Variants in GALNTL6 observed in about 807,000 individuals in gnomAD.
GALNTL6 encodes the protein polypeptide N-acetylgalactosaminyltransferase-like 6.
GALNTL6 carries 46 observed loss-of-function variants against 73.7 expected under a neutral mutation model. The observed-to-expected ratio is 0.62, with a 90% CI of 0.49 to 0.80. The LOEUF (loss-of-function observed/expected upper bound fraction) is 0.80. GALNTL6 is among the 30% of genes least tolerant of loss of function. GALNTL6 has a pLI of 0.00. For synonymous variants in GALNTL6, 259 were observed against 263.7 expected (o/e 0.98, Z 0.17); for missense variants, 604 against 755.0 (o/e 0.80, Z 2.34).
At chr4:172,377,636 G>A (rs1743083624) in intron 5 of GALNTL6, among the ~76,000 whole-genome samples, 1 of 152,182 alleles carries the variant, frequency 6.6e-6, no homozygotes, top group Non-Finnish European at 1.5e-5. Context: ...CACCGGTTGT[G>A]GGGGAGCTCG....
chr4:172,785,684 A>T (rs1194283595), intron 5 of GALNTL6, among the ~76,000 whole-genome samples: 2 of 152,132 alleles, frequency 1.3e-5, no homozygotes, highest in African/African-American at 2.4e-5. Context: ...TGATGGGGAG[A>T]TGGGGGTGTC....
At chr4:172,546,906 C>T (rs1353869077) in intron 5 of GALNTL6, among the ~76,000 whole-genome samples, 2 of 148,954 alleles carry the variant, frequency 1.3e-5, no homozygotes, top group African/African-American at 2.5e-5. Context: ...ATTAAGCACA[C>T]TCACATTGTT....
chr4:171,860,879 C>T (rs1409731095), intron 2 of GALNTL6, among the ~76,000 whole-genome samples: 1 of 152,082 alleles, frequency 6.6e-6, no homozygotes, highest in African/African-American at 2.4e-5. Context: ...TAAGATTTCT[C>T]CCATCTGCTG....
chr4:172,194,277 CA>C (rs1341274955), intron 2 of GALNTL6, among the ~76,000 whole-genome samples: 1 of 152,124 alleles, frequency 6.6e-6, no homozygotes, highest in Admixed American at 6.6e-5. Context: ...GACTAGCAGA[CA>C]AAATCGGTGA....
intron 5 of GALNTL6, among the ~76,000 whole-genome samples, chr4:172,606,621 ATATATATAC>A (rs1560832271): frequency 4.1e-5 from 2 of 49,024 alleles, no homozygotes; most frequent in African/African-American, 4.9e-5. Flanking sequence ...CATATATAGT[ATATATATAC>A]TATATATATA....
chr4:172,938,057 C>A (rs549637765), intron 9 of GALNTL6, among the ~76,000 whole-genome samples: 1 of 152,144 alleles, frequency 6.6e-6, no homozygotes, highest in Non-Finnish European at 1.5e-5. Flanking sequence ...AGTGTAACAA[C>A]CTTTGACAAT....
At chr4:171,961,822 C>G (rs1398349687) in intron 2 of GALNTL6, among the ~76,000 whole-genome samples, 1 of 152,152 alleles carries the variant, frequency 6.6e-6, no homozygotes, top group Non-Finnish European at 1.5e-5. Context: ...TTGGAACCAG[C>G]TAGCAACCCT....
At chr4:172,188,253 GAGA>G (rs1735473055) in intron 2 of GALNTL6, among the ~76,000 whole-genome samples, 1 of 152,180 alleles carries the variant, frequency 6.6e-6, no homozygotes, top group African/African-American at 2.4e-5. Flanking sequence ...TGCTCTCCAA[GAGA>G]AGAAGAAAGT....
chr4:171,994,200 G>A (rs1226879767), intron 2 of GALNTL6, among the ~76,000 whole-genome samples: 2 of 152,042 alleles, frequency 1.3e-5, no homozygotes, highest in Admixed American at 1.3e-4. Context: ...GCCAACTGTA[G>A]CACATCAGTG....
chr4:172,513,719 G>A (rs1452491686), intron 5 of GALNTL6, among the ~76,000 whole-genome samples: 3 of 152,132 alleles, frequency 2.0e-5, no homozygotes, highest in African/African-American at 7.2e-5. Flanking sequence ...CCTGGCTCTA[G>A]GCTGCTACTA....
intron 5 of GALNTL6, among the ~76,000 whole-genome samples, chr4:172,585,180 T>C (rs1285635371): frequency 6.6e-6 from 1 of 152,098 alleles, no homozygotes; most frequent in Non-Finnish European, 1.5e-5. Flanking sequence ...TAAAAATAAA[T>C]GTATTATCTG....
intron 2 of GALNTL6, among the ~76,000 whole-genome samples, chr4:172,101,454 C>T (rs943825077): frequency 2.0e-5 from 3 of 151,644 alleles, no homozygotes; most frequent in Non-Finnish European, 2.9e-5. Flanking sequence ...ATTCTGCTGA[C>T]GAGAGAGAGA....
At chr4:172,958,235 C>A (rs1461829141) in intron 10 of GALNTL6, among the ~76,000 whole-genome samples, 1 of 152,202 alleles carries the variant, frequency 6.6e-6, no homozygotes, top group Non-Finnish European at 1.5e-5. Flanking sequence ...AGGGCAGCAT[C>A]AGCCGCTGCA....
chr4:172,554,884 C>A (rs1220844122), intron 5 of GALNTL6, among the ~76,000 whole-genome samples: 2 of 152,108 alleles, frequency 1.3e-5, no homozygotes, highest in Admixed American at 6.5e-5. Context: ...CATATAATTT[C>A]TTTTGGTGCT....
At chr4:171,877,066 AAATGTATTTGTAGACCCAAG>A (rs1049647682) in intron 2 of GALNTL6, among the ~76,000 whole-genome samples, 12 of 152,092 alleles carry the variant, frequency 7.9e-5, no homozygotes, top group Non-Finnish European at 1.6e-4. Context: ...TATTGGCTTA[AAATGTATTTGTAGACCCAAG>A]ATGGAGCTGT....
intron 2 of GALNTL6, among the ~76,000 whole-genome samples, chr4:172,074,232 T>C (rs939595003): frequency 6.6e-6 from 1 of 152,222 alleles, no homozygotes; most frequent in Non-Finnish European, 1.5e-5. Flanking sequence ...TTAACAATGT[T>C]CATTGTTAAT....
intron 2 of GALNTL6, among the ~76,000 whole-genome samples, chr4:171,840,140 G>A (rs979899476): frequency 3.9e-5 from 6 of 152,202 alleles, no homozygotes; most frequent in Admixed American, 6.6e-5. Context: ...TCACCGGCTC[G>A]CTGGCTTAAA....
At chr4:172,776,960 T>C in intron 5 of GALNTL6, among the ~76,000 whole-genome samples, 1 of 152,292 alleles carries the variant, frequency 6.6e-6, no homozygotes, top group East Asian at 1.9e-4. Context: ...AAGGAAAAAT[T>C]AAGAAATACC....
chr4:173,010,277 A>G (rs1752487997), intron 11 of GALNTL6, among the ~76,000 whole-genome samples: 2 of 152,104 alleles, frequency 1.3e-5, no homozygotes, highest in African/African-American at 4.8e-5. Flanking sequence ...GTCTTTCCAT[A>G]CCTGGCTTAT....
Sources: allele counts gnomAD v4.1 joint callset (sites outside exome capture counted in the v4.1 genomes callset), GRCh38; gene constraint gnomAD v4.1.1; transcripts MANE v1.5; gene names NCBI Gene and HGNC (gene_info 2026-07-23, HGNC 2026-07-21).